TRUB2: variants seen among roughly 807,000 people sequenced by gnomAD.
TRUB2 encodes the protein TruB pseudouridine synthase family member 2, also known as pseudouridylate synthase TRUB2, mitochondrial.
TRUB2 carries 31 observed loss-of-function variants against 31.9 expected under a neutral mutation model. The ratio of observed to expected loss-of-function variants is 0.97; its 90% confidence interval spans 0.73 to 1.31. The LOEUF is 1.31. Ranked by LOEUF, TRUB2 falls within the 50% of genes most tolerant of loss-of-function variation. The pLI, the probability that TRUB2 is intolerant of heterozygous loss-of-function variation, is 0.00. For synonymous variants in TRUB2, 201 were observed against 182.6 expected, an observed-to-expected ratio of 1.10 and a Z score of -0.81; for missense variants, 451 against 439.6, an observed-to-expected ratio of 1.03 and a Z score of -0.23.
Position 128,310,893 on chromosome 9 carries a change from G to A in TRUB2, c.664C>T (p.Leu222Phe). The A allele has an allele frequency of 6.2e-7, 1 of 1,614,184 alleles. No individual in the cohort carries two copies. Among genetic ancestry groups the A allele is most frequent in the Non-Finnish European group, 8.5e-7 (1 of 1,180,014 alleles). ...RCLYFAPPEF[L>F]LEVQCMHETQ... is the part of the protein sequence containing the mutation. Reference sequence around the variant, plus strand: ...ACTTCCTTGGCCAACCTACCTAAGAGGAATTCCGGAGGTGCAAAGTAGAGG... The same window carrying A: ...ACTTCCTTGGCCAACCTACCTAAGAAGAATTCCGGAGGTGCAAAGTAGAGG... Residue 222 changes from leucine to phenylalanine, a missense_variant, in exon 7 of 8, where the codon CTC becomes TTC. By Grantham distance (22) the Leu-to-Phe change is conservative. Coordinates refer to ENST00000372890, the MANE Select transcript of TRUB2 (RefSeq NM_015679.3).
intron 5 of TRUB2, among the ~76,000 whole-genome samples, chr9:128,313,535 CA>C (rs563876862): frequency 0.37 from 29,713 of 79,284 alleles, 3,594 homozygotes; most frequent in African/African-American, 0.58. Flanking sequence ...GACTCCGTCT[CA>C]AAAAAAAAAA....
intron 3 of TRUB2, chr9:128,315,862 G>A (rs1452750259): frequency 3.7e-6 from 2 of 543,600 alleles, no homozygotes; most frequent in Non-Finnish European, 6.7e-6. Flanking sequence ...AGGGGGCCTA[G>A]GATCCCTGCC....
chr9:128,314,500 A>C (rs1832034595), intron 4 of TRUB2, among the ~76,000 whole-genome samples: 1 of 152,100 alleles, frequency 6.6e-6, no homozygotes, highest in South Asian at 2.1e-4. Flanking sequence ...GGCTGGATAC[A>C]GTGACTCACA....
chr9:128,314,849 AT>A (rs1347006318), intron 4 of TRUB2, among the ~76,000 whole-genome samples: 48 of 152,276 alleles, frequency 3.2e-4, no homozygotes, highest in African/African-American at 1.2e-3. Flanking sequence ...AAGTACTGGG[AT>A]TACAGGTATG....
chr9:128,310,977 C>A lies in TRUB2; in HGVS notation c.580G>T (p.Val194Leu), dbSNP rs757187097. ...TTCATGGGCCGGATCAGGCCTCTCA[C>A]GGCCATCTCATAGGCCTCCTGGGTC... The part of the protein sequence containing the change: ...LKTQEAYEMA[V>L]RGLIRPMNKS... The change falls in exon 7 of 8, where the codon GTG becomes TTG. Residue 194 changes from valine (V) to leucine (L), a missense_variant. By Grantham distance (32) the Val-to-Leu change is conservative. Coordinates refer to ENST00000372890, the MANE Select transcript of TRUB2 (RefSeq NM_015679.3). The A allele has an allele frequency of 9.3e-6, 15 of 1,614,116 alleles. No individual in the cohort carries two copies. Among genetic ancestry groups the A allele is most frequent in the Middle Eastern group, 1.6e-4 (1 of 6,084 alleles).
rs1049510792 is a variant in TRUB2 at position 128,310,879 on chromosome 9, C to T, written c.670+8G>A. 3 of 1,613,926 alleles carry T rather than the reference C, an allele frequency of 1.9e-6. No homozygotes were observed. The African/African-American group carries it at 4.0e-5, about 22-fold the overall frequency. ...ATCTCACTGCTCCAACTTCCTTGGC[C>T]AACCTACCTAAGAGGAATTCCGGAG... is the stretch of plus-strand genomic sequence containing the variant. On this transcript the variant is annotated splice_region_variant and intron_variant, in intron 7 of 7. Transcript: ENST00000372890.
intron 5 of TRUB2, among the ~76,000 whole-genome samples, chr9:128,312,825 G>T (rs1831996713): frequency 6.6e-6 from 1 of 151,670 alleles, no homozygotes; most frequent in Non-Finnish European, 1.5e-5. Flanking sequence ...TATCAGCCAG[G>T]CTGGTCTCAA....
At chr9:128,313,006 A>G (rs1832000146) in intron 5 of TRUB2, among the ~76,000 whole-genome samples, 1 of 150,162 alleles carries the variant, frequency 6.7e-6, no homozygotes, top group Non-Finnish European at 1.5e-5. Context: ...ACCTGAGGTC[A>G]GGAGTTCCAG....
At position 128,313,844 on chromosome 9, in the gene TRUB2, G is replaced by A. The variant is rs776278624; in HGVS notation, c.424C>T (p.Arg142Cys). ...GLLGKATDDF[R>C]EDGRLVEKTT... is the part of the protein sequence containing the mutation. ...TTCTCTACCAGCCTCCCGTCCTCAC[G>A]GAAGTCATCTGTAGCTTTGCCCAGG... Residue 142 changes from arginine (R) to cysteine (C), a missense_variant, in exon 5 of 8, where the codon CGT (arginine) becomes TGT (cysteine). By Grantham distance (180) the Arg-to-Cys change is radical. Coordinates refer to ENST00000372890, the MANE Select transcript of TRUB2 (RefSeq NM_015679.3). 8 of 1,614,208 alleles carry A rather than the reference G, an allele frequency of 5.0e-6. No individual in the cohort carries two copies. Among genetic ancestry groups the A allele is most frequent in the Middle Eastern group, 1.7e-4 (1 of 6,060 alleles).
At chr9:128,313,967 T>A in intron 4 of TRUB2, 78 bp from the exon 5 acceptor site, 1 of 1,371,518 alleles carries the variant, frequency 7.3e-7, no homozygotes, top group Non-Finnish European at 1.0e-6. Flanking sequence ...AAGCTGGGGG[T>A]GGGGGGTCCT....
chr9:128,311,547 T>C lies in TRUB2; in HGVS notation c.515A>G (p.His172Arg), dbSNP rs148401051. 5.6e-6 allele frequency: 9 copies of C among 1,613,974 alleles called. No individual in the cohort carries two copies. The highest frequency in any genetic ancestry group is 7.6e-6 in the Non-Finnish European group (9 of 1,180,012). ...DRILAVIQGS[H>R]QKALVMYSNL... is the part of the protein sequence containing the mutation. The stretch of plus-strand genomic sequence containing the variant: ...TACTCACATCACCAGGGCCTTCTGA[T>C]GGGAGCCTTGGATAACGGCCAGAAT... The change falls in exon 6 of 8, where the codon CAT becomes CGT. Residue 172 changes from histidine (H) to arginine (R), a missense_variant. By Grantham distance (29) the His-to-Arg change is conservative. Transcript: ENST00000372890.
At chr9:128,313,744 C>T (rs773279961) in intron 5 of TRUB2, 64 bp downstream of exon 5, 52 of 1,470,210 alleles carry the variant, frequency 3.5e-5, no homozygotes, top group East Asian at 6.8e-5. Flanking sequence ...TGGCCTAGGG[C>T]GGGGAGAGGA....
chr9:128,313,797 C>G lies in TRUB2; in HGVS notation c.460+11G>C. On this transcript the variant is annotated intron_variant, in intron 5 of 7. Transcript: ENST00000372890. ...CGGAGGGAGGCAGCGGCAGCCACTTCCGGTTCTCACCATAGGTTGTCTTCT... is the reference window on the plus strand; with the variant it reads ...CGGAGGGAGGCAGCGGCAGCCACTTGCGGTTCTCACCATAGGTTGTCTTCT... The G allele has an allele frequency of 6.2e-7, 1 of 1,613,838 alleles. No individual in the cohort carries two copies. The highest frequency in any genetic ancestry group is 8.5e-7 in the Non-Finnish European group (1 of 1,179,870).
intron 4 of TRUB2, among the ~76,000 whole-genome samples, chr9:128,315,020 C>A (rs1832042546): frequency 6.6e-6 from 1 of 152,198 alleles, no homozygotes; most frequent in Admixed American, 6.5e-5. Context: ...CCCTTAACCA[C>A]TAAAAACATG....
rs1564381450 is a variant in TRUB2, at chr9:128,309,446, C to CAA, written c.*103_*104insTT. The CAA allele has an allele frequency of 2.4e-6, 3 of 1,274,470 alleles. No individual in the cohort carries two copies. The highest frequency in any genetic ancestry group is 4.7e-5 in the East Asian group (2 of 42,638). The allele number at this position is 1,274,470 out of a possible 1,614,324, so 78.9% of individuals were successfully genotyped here. A position where few individuals can be genotyped will look rare whatever the true frequency, so the allele number is the denominator to read the frequency against. ...GTTACAGCTTGAGTTTTGTGTCTTA[C>CAA]GTAGAAAAGGTGCCCCTGCTCTCAC... On this transcript the variant is annotated 3_prime_UTR_variant, in exon 8 of 8. Transcript: ENST00000372890.
intron 5 of TRUB2, 128 bp from the exon 6 acceptor site, chr9:128,311,729 C>T (rs1270053861): frequency 1.5e-5 from 14 of 945,810 alleles, no homozygotes; most frequent in South Asian, 8.7e-5. Flanking sequence ...ATCCCCATGG[C>T]GGGGTGGTTG....
intron 2 of TRUB2, 70 bp downstream of exon 2, chr9:128,321,529 C>T: frequency 6.2e-7 from 1 of 1,606,668 alleles, no homozygotes; most frequent in African/African-American, 1.3e-5. Flanking sequence ...AATCTGAGCA[C>T]TGGGACACTG....
chr9:128,314,623 T>G lies in TRUB2; in HGVS notation c.379-734A>C, dbSNP rs1232001713. On this transcript the variant is annotated intron_variant, in intron 4 of 7. Transcript: ENST00000372890. ...TTTTTGTATTTTTAGTAGAGACAGGTTTTCACCATGTTGTCCAGGCTGGTC... is the reference window on the plus strand; with the variant it reads ...TTTTTGTATTTTTAGTAGAGACAGGGTTTCACCATGTTGTCCAGGCTGGTC... Among the ~76,000 whole-genome samples, 3 of 151,770 alleles carry G rather than the reference T, an allele frequency of 2.0e-5. No individual in the cohort carries two copies. In the East Asian group the frequency reaches 5.8e-4, roughly 30 times the overall value.
In TRUB2 at chr9:128,309,387, C is replaced by T; in HGVS notation, c.*163G>A. 1 of 702,578 alleles carries T rather than the reference C, an allele frequency of 1.4e-6. No homozygotes were observed. Among genetic ancestry groups the T allele is most frequent in the Non-Finnish European group, 2.3e-6 (1 of 431,066 alleles). The allele number at this position is 702,578 out of a possible 1,614,324, so 43.5% of individuals were successfully genotyped here. ...TCTTTTCCTCCATACAGAAGTTTTTCCTTCTCAGTTGGGTCAAGTCCATTG... is the reference window on the plus strand; with the variant it reads ...TCTTTTCCTCCATACAGAAGTTTTTTCTTCTCAGTTGGGTCAAGTCCATTG... On this transcript the variant is annotated 3_prime_UTR_variant, in exon 8 of 8. Coordinates refer to ENST00000372890, the MANE Select transcript of TRUB2 (RefSeq NM_015679.3).
Sources: allele counts gnomAD v4.1 joint callset (sites outside exome capture counted in the v4.1 genomes callset), GRCh38; gene constraint gnomAD v4.1.1; transcripts MANE v1.5; gene names NCBI Gene and HGNC (gene_info 2026-07-23, HGNC 2026-07-21).